Variants in PCDHA4 observed in about 807,000 individuals in gnomAD.
PCDHA4 encodes the protein protocadherin alpha-4.
PCDHA4 carries 49 observed loss-of-function variants against 61.4 expected under a neutral mutation model. The ratio of observed to expected loss-of-function variants is 0.80; its 90% confidence interval spans 0.63 to 1.01. The LOEUF (loss-of-function observed/expected upper bound fraction) is 1.01. PCDHA4 is among the 50% of genes least tolerant of loss of function. The pLI is 0.00. For synonymous variants in PCDHA4, 590 were observed against 550.3 expected (o/e 1.07, Z -1.01); for missense variants, 1,254 against 1,235.8 (o/e 1.01, Z -0.22).
Position 140,843,081 on chromosome 5 carries a change from C to G in PCDHA4, c.2385+33509C>G, listed in dbSNP as rs2150352051. 5.6e-6 allele frequency: 9 copies of G among 1,595,424 alleles called. No homozygotes were observed. The African/African-American group carries it at 8.1e-5, about 14-fold the overall frequency. ...AAGCTGGTGCCGCGGTCTGTGGGCG[C>G]GGGCCACGTGGTAGCGAAGGTGCGC... On this transcript the variant is annotated intron_variant, in intron 1 of 3. Coordinates refer to ENST00000530339, the MANE Select transcript of PCDHA4 (RefSeq NM_018907.4).
intron 1 of PCDHA4, chr5:140,847,470 C>A (rs972055023): frequency 6.7e-6 from 1 of 149,674 alleles, no homozygotes; most frequent in Non-Finnish European, 1.5e-5. Context: ...TCGACTTGGA[C>A]GTTGGAATAA....
Position 140,828,012 on chromosome 5 carries a change from A to G in PCDHA4, c.2385+18440A>G, listed in dbSNP as rs1183696276. On this transcript the variant is annotated intron_variant, in intron 1 of 3. Transcript: ENST00000530339. ...ATGATGGCGGACGCAGAAGAAATGG[A>G]TTAATAAATTCCGGAACATACAGTA... is the stretch of plus-strand genomic sequence containing the variant. 4.0e-6 allele frequency: 6 copies of G among 1,508,934 alleles called. No homozygotes were observed. The East Asian group carries it at 1.4e-4, about 34-fold the overall frequency. The allele number at this position is 1,508,934 out of a possible 1,614,324, so 93.5% of individuals were successfully genotyped here. A position where few individuals can be genotyped will look rare whatever the true frequency, so the allele number is the denominator to read the frequency against.
At chr5:140,931,260 T>G (rs576177407) in intron 1 of PCDHA4, among the ~76,000 whole-genome samples, 1 of 152,156 alleles carries the variant, frequency 6.6e-6, no homozygotes, top group South Asian at 2.1e-4. Context: ...GAAATTTCAC[T>G]ATTTATTTCT....
At chr5:140,930,416 T>C (rs1554207810) in intron 1 of PCDHA4, 1 of 151,928 alleles carries the variant, frequency 6.6e-6, no homozygotes, top group East Asian at 1.9e-4. Flanking sequence ...GAGACAGGGG[T>C]CTCACTATGT....
chr5:140,854,220 C>A, intron 1 of PCDHA4: 2 of 616,474 alleles, frequency 3.2e-6, no homozygotes, highest in Non-Finnish European at 4.0e-6. Context: ...TATTGGACAT[C>A]TACATTGGGA....
At chr5:140,825,975 G>A (rs1262367977) in intron 1 of PCDHA4, 2 of 152,286 alleles carry the variant, frequency 1.3e-5, no homozygotes, top group Admixed American at 6.5e-5. Context: ...GAGGGGAAAA[G>A]TATGGATTTA....
At chr5:140,830,601 T>C (rs1349140277) in intron 1 of PCDHA4, 2 of 664,640 alleles carry the variant, frequency 3.0e-6, no homozygotes, top group African/African-American at 3.8e-5. Context: ...CAAAATTACA[T>C]ATTTTCATTT....
At chr5:140,875,760 C>T (rs781811926) in intron 1 of PCDHA4, 8 of 1,614,080 alleles carry the variant, frequency 5.0e-6, no homozygotes, top group Non-Finnish European at 5.9e-6. Context: ...AGAAGCTGTG[C>T]GGGCGGAGCG....
At chr5:140,954,834 G>A (rs879960376) in intron 1 of PCDHA4, among the ~76,000 whole-genome samples, 1 of 152,154 alleles carries the variant, frequency 6.6e-6, no homozygotes, top group African/African-American at 2.4e-5. Context: ...CTTTTGTCAT[G>A]AAATCTTTGC....
intron 1 of PCDHA4, chr5:140,884,705 C>G (rs1156324848): frequency 3.4e-6 from 5 of 1,491,236 alleles, no homozygotes; most frequent in African/African-American, 1.4e-5. Flanking sequence ...AACACTTTAG[C>G]CTTCCTTGCA....
At chr5:140,828,538 TTC>T in intron 1 of PCDHA4, 1 of 1,614,218 alleles carries the variant, frequency 6.2e-7, no homozygotes, top group East Asian at 2.2e-5. Flanking sequence ...GGCTGCCAGA[TTC>T]TGTGTTTCCA....
At chr5:140,848,916 T>C (rs1389389482) in intron 1 of PCDHA4, 1 of 1,607,882 alleles carries the variant, frequency 6.2e-7, no homozygotes, top group South Asian at 1.1e-5. Context: ...AAAGAATCTG[T>C]TCATCGCGGA....
At chr5:140,968,464 C>G (rs1554230763) in intron 1 of PCDHA4, 1 of 1,614,114 alleles carries the variant, frequency 6.2e-7, no homozygotes, top group Non-Finnish European at 8.5e-7. Flanking sequence ...TGACTGCCAA[C>G]GTATATGTGG....
chr5:140,999,985 G>T (rs1451778210), intron 3 of PCDHA4, among the ~76,000 whole-genome samples: 1 of 152,022 alleles, frequency 6.6e-6, no homozygotes, highest in African/African-American at 2.4e-5. Context: ...AGCGGCCTCT[G>T]GGTAGTGGTA....
chr5:140,870,764 T>A, intron 1 of PCDHA4: 1 of 1,613,600 alleles, frequency 6.2e-7, no homozygotes, highest in Non-Finnish European at 8.5e-7. Flanking sequence ...CAGGTGTTCG[T>A]GCTGGACGAG....
chr5:140,836,509 G>C, intron 1 of PCDHA4: 1 of 1,613,894 alleles, frequency 6.2e-7, no homozygotes, highest in Non-Finnish European at 8.5e-7. Context: ...GCGGTGTCCA[G>C]TCTGTTGGTG....
In PCDHA4 at chr5:141,011,207, G is replaced by A. The variant is rs79928365; in HGVS notation, c.*1270G>A. On this transcript the variant is annotated 3_prime_UTR_variant, in exon 4 of 4. Coordinates refer to ENST00000530339, the MANE Select transcript of PCDHA4 (RefSeq NM_018907.4). Reference sequence around the variant, plus strand: ...GAAAAATATTGTTTTCTCATACAGTGAGCAGATTTTTCAATCTACTAATTC... The same window carrying A: ...GAAAAATATTGTTTTCTCATACAGTAAGCAGATTTTTCAATCTACTAATTC... 325 of 153,804 alleles carry A rather than the reference G, an allele frequency of 2.1e-3. 2 individuals are homozygous for A. The highest frequency in any genetic ancestry group is 7.1e-3 in the African/African-American group (293 of 41,546). 9.5% of individuals were successfully genotyped at this position (153,804 alleles called of 1,614,324 possible). A position where few individuals can be genotyped will look rare whatever the true frequency, so the allele number is the denominator to read the frequency against.
intron 1 of PCDHA4, chr5:140,869,195 T>A (rs1554162619): frequency 6.2e-7 from 1 of 1,613,916 alleles, no homozygotes; most frequent in East Asian, 2.2e-5. Flanking sequence ...AGCGGCCAGC[T>A]CCACTACTCC....
chr5:140,976,378 C>A (rs908008970), intron 1 of PCDHA4, among the ~76,000 whole-genome samples: 2 of 151,926 alleles, frequency 1.3e-5, no homozygotes, highest in Non-Finnish European at 2.9e-5. Flanking sequence ...TGGTGAAACC[C>A]CATCTCTACT....
Sources: gnomAD v4.1 joint callset for allele counts (sites outside exome capture counted in the v4.1 genomes callset) on GRCh38, gnomAD v4.1.1 for gene constraint, MANE v1.5 for transcripts, NCBI Gene and HGNC (gene_info 2026-07-23, HGNC 2026-07-21) for gene names.